Variants in ZZZ3 observed in about 807,000 individuals in gnomAD.
ZZZ3 encodes zinc finger ZZ-type containing 3.
ZZZ3 carries 22 observed loss-of-function variants against 95.2 expected under a neutral mutation model. That is an observed-to-expected ratio of 0.23 (90% CI 0.17 to 0.33). The LOEUF (loss-of-function observed/expected upper bound fraction) is 0.33. Ranked by LOEUF, ZZZ3 falls within the 10% of genes least tolerant of loss-of-function variation. The pLI is 1.00. For synonymous variants in ZZZ3, 335 were observed against 358.9 expected (o/e 0.93, Z 0.75); for missense variants, 885 against 1,066.5 (o/e 0.83, Z 2.37).
At chr1:77,649,926 C>CA (rs1298585534) in intron 1 of ZZZ3, among the ~76,000 whole-genome samples, 4 of 150,446 alleles carry the variant, frequency 2.7e-5, no homozygotes, top group Admixed American at 2.6e-4. Context: ...AACTGACGAG[C>CA]AAAAAATATA....
chr1:77,584,880 G>C, intron 5 of ZZZ3: 1 of 310,980 alleles, frequency 3.2e-6, no homozygotes, highest in Non-Finnish European at 5.8e-6. Flanking sequence ...CCCATCTTAA[G>C]TTTTTAATTC....
intron 3 of ZZZ3, among the ~76,000 whole-genome samples, chr1:77,639,962 T>C (rs1668622788): frequency 6.6e-6 from 1 of 151,944 alleles, no homozygotes; most frequent in South Asian, 2.1e-4. Flanking sequence ...TAACAGAATT[T>C]ATAATATCAT....
intron 5 of ZZZ3, among the ~76,000 whole-genome samples, chr1:77,594,954 C>T (rs1664085526): frequency 6.7e-6 from 1 of 149,510 alleles, no homozygotes; most frequent in African/African-American, 2.5e-5. Context: ...AATTGTGGTC[C>T]TCTCAGCTGG....
At chr1:77,663,181 T>C (rs935501851) in intron 1 of ZZZ3, among the ~76,000 whole-genome samples, 5 of 152,210 alleles carry the variant, frequency 3.3e-5, no homozygotes, top group African/African-American at 1.2e-4. Context: ...TGAAATCAAA[T>C]GCAATGTATG....
intron 5 of ZZZ3, among the ~76,000 whole-genome samples, chr1:77,593,480 TA>T (rs1417521409): frequency 4.6e-5 from 7 of 152,184 alleles, no homozygotes; most frequent in South Asian, 2.1e-4. Flanking sequence ...ACTTTATTGT[TA>T]AAAGGATACA....
Position 77,581,846 on chromosome 1 carries a change from T to C in ZZZ3, c.1838A>G (p.Asp613Gly). The change falls in exon 8 of 15, where the codon GAT becomes GGT. Residue 613 changes from aspartate (D) to glycine (G), a missense_variant. Physicochemically the swap from Asp to Gly is moderately conservative, Grantham distance 94 (BLOSUM62 -1). Transcript: ENST00000370801. ...RPKSPLDPKKDGESLSYSMLP... is the reference protein window; with the variant it reads ...RPKSPLDPKKGGESLSYSMLP... Reference sequence around the variant, plus strand: ...CATAGAATATGAAAGGGACTCTCCATCCTTCTTAGGATCTAAAGGACTTTT... The same window carrying C: ...CATAGAATATGAAAGGGACTCTCCACCCTTCTTAGGATCTAAAGGACTTTT... 3 of 1,614,068 alleles carry C rather than the reference T, an allele frequency of 1.9e-6. No homozygotes were observed. Among genetic ancestry groups the C allele is most frequent in the Non-Finnish European group, 1.7e-6 (2 of 1,179,958 alleles).
rs1277556145 is a variant in ZZZ3 at position 77,632,220 on chromosome 1, T to C, written c.1135A>G (p.Arg379Gly). 3 of 1,614,076 alleles carry C rather than the reference T, an allele frequency of 1.9e-6. No individual in the cohort carries two copies. The highest frequency in any genetic ancestry group is 4.5e-5 in the East Asian group (2 of 44,876). ...SEPQEHRYTL[R>G]TSPRRAAPTR... ...GGGGCTGCCCTTCGTGGTGAGGTTC[T>C]CAGAGTATAACGATGTTCTTGAGGT... The change falls in exon 5 of 15, where the codon AGA (arginine) becomes GGA (glycine). Residue 379 changes from arginine to glycine, a missense_variant. This residue lies in a region of ZZZ3 where 556 missense variants were observed against 652.9 expected (regional missense o/e 0.85). Transcript: ENST00000370801.
rs575918535 is a variant in ZZZ3, at chr1:77,577,524, A to T, written c.2178+1250T>A. 3.2e-4 allele frequency among the ~76,000 whole-genome samples: 48 copies of T among 151,868 alleles called. 1 individual carries two copies. The highest frequency in any genetic ancestry group is 2.5e-3 in the South Asian group (12 of 4,798). On this transcript the variant is annotated intron_variant, in intron 11 of 14. Transcript: ENST00000370801. ...AGCTTCCAAAGCTCGGTTAAAAAAA[A>T]TTTTTTTTTAATGTGTAAAACATGA... is the stretch of plus-strand genomic sequence containing the variant.
chr1:77,651,618 G>C (rs1669813594), intron 1 of ZZZ3, among the ~76,000 whole-genome samples: 1 of 152,170 alleles, frequency 6.6e-6, no homozygotes, highest in Admixed American at 6.5e-5. Flanking sequence ...AATGAGTACA[G>C]AGTTACAGTT....
intron 1 of ZZZ3, among the ~76,000 whole-genome samples, chr1:77,666,586 A>G (rs568695733): frequency 1.5e-3 from 225 of 152,320 alleles, no homozygotes; most frequent in African/African-American, 5.3e-3. Flanking sequence ...GTGTGTCCCC[A>G]TTCATGTGTT....
At chr1:77,681,895 G>A (rs1278645318) in intron 1 of ZZZ3, among the ~76,000 whole-genome samples, 1 of 108,832 alleles carries the variant, frequency 9.2e-6, no homozygotes, top group Non-Finnish European at 1.7e-5. Flanking sequence ...GCGAGACTCC[G>A]TCTCAAAAAA....
intron 4 of ZZZ3, among the ~76,000 whole-genome samples, chr1:77,635,841 G>T (rs1301819812): frequency 6.6e-6 from 1 of 152,142 alleles, no homozygotes; most frequent in African/African-American, 2.4e-5. Flanking sequence ...AGGAGGCAAA[G>T]GTTGCAGTGA....
At chr1:77,582,232 A>G in intron 6 of ZZZ3, 106 bp from the exon 7 acceptor site, 1 of 926,408 alleles carries the variant, frequency 1.1e-6, no homozygotes, top group Non-Finnish European at 1.6e-6. Context: ...CAAATAATCA[A>G]TGGGGCATTT....
At chr1:77,615,072 C>A (rs1666178184) in intron 5 of ZZZ3, 1 of 152,232 alleles carries the variant, frequency 6.6e-6, no homozygotes, top group Non-Finnish European at 1.5e-5. Context: ...CACACTGGTA[C>A]AACTGCTCAC....
intron 5 of ZZZ3, among the ~76,000 whole-genome samples, chr1:77,621,278 G>A (rs1465973660): frequency 3.3e-5 from 5 of 151,674 alleles, no homozygotes; most frequent in Non-Finnish European, 5.9e-5. Context: ...CCCAAAGTTC[G>A]TGACCAGCCT....
intron 11 of ZZZ3, among the ~76,000 whole-genome samples, chr1:77,576,756 C>T (rs1163417517): frequency 1.4e-5 from 2 of 143,600 alleles, no homozygotes; most frequent in Non-Finnish European, 3.0e-5. Flanking sequence ...TACACTCACA[C>T]TAAAAAAAAA....
intron 13 of ZZZ3, among the ~76,000 whole-genome samples, chr1:77,567,536 T>G (rs915213408): frequency 6.6e-6 from 1 of 152,238 alleles, no homozygotes; most frequent in African/African-American, 2.4e-5. Context: ...CCTCTCAGGA[T>G]AGTGTGAGCT....
At chr1:77,633,561 CTTT>C (rs1397913206) in intron 4 of ZZZ3, among the ~76,000 whole-genome samples, 156 bp from the exon 5 acceptor site, 1 of 152,176 alleles carries the variant, frequency 6.6e-6, no homozygotes, top group Non-Finnish European at 1.5e-5. Context: ...GATAAAAATT[CTTT>C]AACGTTTCCA....
At chr1:77,646,378 G>A (rs1669277234) in intron 1 of ZZZ3, among the ~76,000 whole-genome samples, 1 of 151,962 alleles carries the variant, frequency 6.6e-6, no homozygotes, top group East Asian at 1.9e-4. Flanking sequence ...ATGCCACTAC[G>A]CCCAGCTAAT....
Sources: gnomAD v4.1 joint callset for allele counts (sites outside exome capture counted in the v4.1 genomes callset) on GRCh38, gnomAD v4.1.1 for gene constraint, gnomAD v4.1.1 regional missense constraint, MANE v1.5 for transcripts, NCBI Gene and HGNC (gene_info 2026-07-23, HGNC 2026-07-21) for gene names.